Variants in C2CD3 observed in about 807,000 individuals in gnomAD.
C2CD3 encodes C2 domain containing 3 centriole elongation regulator.
Under a neutral mutation model 234.0 loss-of-function variants are expected in C2CD3, and 148 were observed. That is an observed-to-expected ratio of 0.63 (90% CI 0.55 to 0.72). C2CD3 has a LOEUF of 0.72. Ranked by LOEUF, C2CD3 falls within the 30% of genes least tolerant of loss-of-function variation. C2CD3 has a pLI of 0.00. For synonymous variants in C2CD3, 1,000 were observed against 1,035.4 expected (o/e 0.97, Z 0.66); for missense variants, 2,577 against 2,811.5 (o/e 0.92, Z 1.89).
intron 24 of C2CD3, among the ~76,000 whole-genome samples, chr11:74,064,049 C>T (rs1279520127): frequency 6.6e-5 from 10 of 151,914 alleles, no homozygotes; most frequent in South Asian, 2.1e-4. Context: ...ATCCCTCCCC[C>T]GTCCCACCCC....
chr11:74,099,460 G>A (rs1167842597), intron 15 of C2CD3, among the ~76,000 whole-genome samples: 1 of 152,186 alleles, frequency 6.6e-6, no homozygotes, highest in African/African-American at 2.4e-5. Flanking sequence ...GTTATAGTAA[G>A]GTTCAAATGA....
intron 1 of C2CD3, among the ~76,000 whole-genome samples, chr11:74,169,420 C>T (rs932300448): frequency 1.3e-5 from 2 of 152,124 alleles, no homozygotes; most frequent in Admixed American, 1.3e-4. Flanking sequence ...TTTAAGAAAC[C>T]ATTCCTATAT....
chr11:74,036,108 C>G (rs1952732856), intron 30 of C2CD3: 1 of 214,662 alleles, frequency 4.7e-6, no homozygotes, highest in African/African-American at 2.3e-5. Context: ...GATCCACTCA[C>G]CCTGGCCTCC....
At chr11:74,152,822 C>T (rs1855749994) in intron 3 of C2CD3, among the ~76,000 whole-genome samples, 1 of 152,138 alleles carries the variant, frequency 6.6e-6, no homozygotes. Context: ...TGATAAAGTT[C>T]AATACCCATG....
chr11:74,045,344 CTG>C (rs1953309335), intron 28 of C2CD3, among the ~76,000 whole-genome samples: 1 of 152,118 alleles, frequency 6.6e-6, no homozygotes, highest in Admixed American at 6.5e-5. Context: ...ATTAGGGACT[CTG>C]TTCTTTTTCA....
rs1458373138 is a variant in C2CD3, at chr11:74,049,379, T to C, written c.5319A>G (p.Glu1773=). 2.5e-6 allele frequency: 4 copies of C among 1,614,198 alleles called. No homozygotes were observed. The highest frequency in any genetic ancestry group is 3.4e-6 in the Non-Finnish European group (4 of 1,179,998). Residue 1773 remains glutamate (E), a synonymous_variant, in exon 27 of 33, where the codon GAA becomes GAG. Transcript: ENST00000334126. The stretch of plus-strand genomic sequence containing the variant: ...CCACTCCACGCCTTGCTTGCCTTTC[T>C]TCTTTGAAGTGTATCAAACTCTCCA... ...SPLESLIHFK[E]ERQARRGVET...
In C2CD3 at chr11:74,100,421, A is replaced by G. The variant is rs557560987; in HGVS notation, c.2732+104T>C. 51 of 1,082,626 alleles carry G rather than the reference A, an allele frequency of 4.7e-5. No homozygotes were observed. In the African/African-American group the frequency reaches 8.2e-4, roughly 17 times the overall value. 67.1% of individuals were successfully genotyped at this position (1,082,626 alleles called of 1,614,324 possible). Reference sequence around the variant, plus strand: ...TGTTGAAACTGGAAAAAGTCCTTCAAGGGATTACTGGGCTATTCATGTTTG... The same window carrying G: ...TGTTGAAACTGGAAAAAGTCCTTCAGGGGATTACTGGGCTATTCATGTTTG... On this transcript the variant is annotated intron_variant, in intron 15 of 32. Coordinates refer to ENST00000334126, the MANE Select transcript of C2CD3 (RefSeq NM_001286577.2).
chr11:74,053,955 A>C (rs1953825496), intron 26 of C2CD3, among the ~76,000 whole-genome samples: 1 of 151,598 alleles, frequency 6.6e-6, no homozygotes, highest in Non-Finnish European at 1.5e-5. Context: ...GCCTGGCAAC[A>C]TAGTGAGACC....
intron 26 of C2CD3, among the ~76,000 whole-genome samples, chr11:74,050,662 T>C (rs966323817): frequency 5.9e-5 from 9 of 152,364 alleles, no homozygotes; most frequent in South Asian, 4.1e-4. Flanking sequence ...CACAGTTCCT[T>C]GGGCACATTC....
At chr11:74,047,244 T>G (rs948474485) in intron 28 of C2CD3, among the ~76,000 whole-genome samples, 2 of 152,192 alleles carry the variant, frequency 1.3e-5, no homozygotes, top group Non-Finnish European at 2.9e-5. Flanking sequence ...TGTCTGTATA[T>G]AATATGACAC....
chr11:74,095,154 G>GAAA, intron 17 of C2CD3, 74 bp downstream of exon 17: 1 of 961,542 alleles, frequency 1.0e-6, no homozygotes, highest in Non-Finnish European at 1.4e-6. Context: ...AATTCACTCA[G>GAAA]AAAAAAAAAA....
chr11:74,099,252 C>G (rs1956221959), intron 15 of C2CD3, among the ~76,000 whole-genome samples: 1 of 152,204 alleles, frequency 6.6e-6, no homozygotes, highest in Non-Finnish European at 1.5e-5. Context: ...AGTATTAATA[C>G]TCAGCTGTTC....
At chr11:74,096,042 G>T (rs995937049) in intron 16 of C2CD3, among the ~76,000 whole-genome samples, 1 of 152,172 alleles carries the variant, frequency 6.6e-6, no homozygotes, top group Non-Finnish European at 1.5e-5. Context: ...ACTTTGGGAG[G>T]TAGTGAAGAC....
chr11:74,065,078 T>G (rs1240026870), intron 24 of C2CD3, among the ~76,000 whole-genome samples: 1 of 152,110 alleles, frequency 6.6e-6, no homozygotes, highest in Non-Finnish European at 1.5e-5. Flanking sequence ...CTAATTAAAC[T>G]AAAGAGCTTT....
chr11:74,026,226 G>C (rs1437688602), intron 32 of C2CD3, among the ~76,000 whole-genome samples: 1 of 151,958 alleles, frequency 6.6e-6, no homozygotes, highest in African/African-American at 2.4e-5. Context: ...AGGATCACTT[G>C]AACCCAGGAG....
intron 15 of C2CD3, 32 bp downstream of exon 15, chr11:74,100,493 C>A (rs376502285): frequency 7.4e-5 from 117 of 1,572,272 alleles, no homozygotes; most frequent in Non-Finnish European, 9.5e-5. Context: ...TAAAGATGCA[C>A]AATAAAGAAT....
At chr11:74,170,651 T>A (rs1168775981) in intron 1 of C2CD3, 87 bp downstream of exon 1, 1 of 1,479,208 alleles carries the variant, frequency 6.8e-7, no homozygotes. Context: ...TTTTCTTGTT[T>A]ATCCAGCGGG....
intron 22 of C2CD3, among the ~76,000 whole-genome samples, chr11:74,080,373 TCTAAGAGC>T (rs1013854759): frequency 6.6e-6 from 1 of 152,164 alleles, no homozygotes; most frequent in Non-Finnish European, 1.5e-5. Flanking sequence ...GGCTTGATAG[TCTAAGAGC>T]CTAGGGCTTT....
chr11:74,036,075 G>T (rs1243388486), intron 30 of C2CD3: 1 of 176,164 alleles, frequency 5.7e-6, no homozygotes, highest in East Asian at 1.4e-4. Context: ...GGCCAGGCTG[G>T]TTTTGAACTC....
Sources: allele counts gnomAD v4.1 joint callset (sites outside exome capture counted in the v4.1 genomes callset), GRCh38; gene constraint gnomAD v4.1.1; transcripts MANE v1.5; gene names NCBI Gene and HGNC (gene_info 2026-07-23, HGNC 2026-07-21).